The following LIMD1 variants were observed in gnomAD, a reference collection of about 807,000 sequenced individuals.
LIMD1 encodes LIM domain containing 1, also known as LIM domain-containing protein 1.
LIMD1 carries 23 observed loss-of-function variants against 58.4 expected under a neutral mutation model. The ratio of observed to expected loss-of-function variants is 0.39; its 90% confidence interval spans 0.28 to 0.56. The LOEUF (loss-of-function observed/expected upper bound fraction) is 0.56, where lower values mean the gene tolerates loss of function less well. LIMD1 is among the 20% of genes least tolerant of loss of function. LIMD1 has a pLI of 0.57. For synonymous variants in LIMD1, 334 were observed against 345.5 expected (o/e 0.97, Z 0.37); for missense variants, 838 against 855.5 (o/e 0.98, Z 0.25).
At chr3:45,606,929 G>A (rs1701473053) in intron 1 of LIMD1, among the ~76,000 whole-genome samples, 1 of 152,222 alleles carries the variant, frequency 6.6e-6, no homozygotes, top group Non-Finnish European at 1.5e-5. Context: ...AAGTACCTGG[G>A]ATTACAGGCA....
chr3:45,595,053 G>C lies in LIMD1; in HGVS notation c.174G>C (p.Gln58His). 6.3e-7 allele frequency: 1 copy of C among 1,596,818 alleles called. No individual in the cohort carries two copies. Among genetic ancestry groups the C allele is most frequent in the Non-Finnish European group, 8.6e-7 (1 of 1,169,482 alleles). ...FATKMAKIHLQQQQQQLLQEE... is the reference protein window; with the variant it reads ...FATKMAKIHLHQQQQQLLQEE... ...CCAAGATGGCCAAAATCCACCTCCAGCAGCAGCAGCAGCAGCTCCTGCAGG... is the reference window on the plus strand; with the variant it reads ...CCAAGATGGCCAAAATCCACCTCCACCAGCAGCAGCAGCAGCTCCTGCAGG... The change falls in exon 1 of 8, where the codon CAG (glutamine) becomes CAC (histidine). Residue 58 changes from glutamine (Q) to histidine (H), a missense_variant. By Grantham distance (24) the Gln-to-His change is conservative. This residue lies in a region of LIMD1 where 659 missense variants were observed against 639.8 expected (regional missense o/e 1.03). Transcript: ENST00000273317.
At chr3:45,608,568 C>T (rs1259528664) in intron 1 of LIMD1, among the ~76,000 whole-genome samples, 4 of 152,002 alleles carry the variant, frequency 2.6e-5, no homozygotes, top group Admixed American at 6.6e-5. Flanking sequence ...ACGCTGGGCA[C>T]GTGGCTCACA....
Position 45,677,311 on chromosome 3 carries a change from T to A in LIMD1, c.*252T>A. On this transcript the variant is annotated 3_prime_UTR_variant, in exon 8 of 8. Transcript: ENST00000273317. ...TTACTCAGGAAAATGCTCCAGCATG[T>A]GCGAGCACATGACCTGAGGTTGCAT... 2.3e-6 allele frequency: 1 copy of A among 431,558 alleles called. No individual in the cohort carries two copies. Among genetic ancestry groups the A allele is most frequent in the Non-Finnish European group, 4.3e-6 (1 of 231,834 alleles). The allele number at this position is 431,558 out of a possible 1,614,324, so 26.7% of individuals were successfully genotyped here. A position where few individuals can be genotyped will look rare whatever the true frequency, so the allele number is the denominator to read the frequency against.
intron 2 of LIMD1, among the ~76,000 whole-genome samples, chr3:45,652,931 G>C (rs560258140): frequency 1.3e-5 from 2 of 152,194 alleles, no homozygotes; most frequent in Non-Finnish European, 2.9e-5. Flanking sequence ...GGAGTGGCAC[G>C]TGAGAAGAGA....
At chr3:45,673,561 T>C in intron 6 of LIMD1, 56 bp downstream of exon 6, 1 of 1,334,450 alleles carries the variant, frequency 7.5e-7, no homozygotes, top group Middle Eastern at 1.8e-4. Flanking sequence ...AATATCTCCC[T>C]GGGCTCATTT....
intron 4 of LIMD1, among the ~76,000 whole-genome samples, chr3:45,670,314 G>T (rs1163141455): frequency 6.6e-6 from 1 of 152,098 alleles, no homozygotes; most frequent in Non-Finnish European, 1.5e-5. Context: ...TAACCTCAGG[G>T]TATGTCATTT....
chr3:45,598,731 G>T (rs1469267554), intron 1 of LIMD1, among the ~76,000 whole-genome samples: 4 of 152,178 alleles, frequency 2.6e-5, no homozygotes, highest in Admixed American at 6.5e-5. Context: ...TTTTAAATTG[G>T]GTGATCAGGG....
Position 45,658,535 on chromosome 3 carries a change from C to CTTTTTTTTTTTTTTTTTTTT in LIMD1, c.1511-7102_1511-7083dup, listed in dbSNP as rs10572210. Among the ~76,000 whole-genome samples, 4 of 44,736 alleles carry CTTTTTTTTTTTTTTTTTTTT rather than the reference C, an allele frequency of 8.9e-5. 1 individual carries two copies. Among genetic ancestry groups the CTTTTTTTTTTTTTTTTTTTT allele is most frequent in the Non-Finnish European group, 9.0e-5 (2 of 22,164 alleles). The allele number at this position is 44,736 out of a possible 152,430, so 29.3% of individuals were successfully genotyped here. On this transcript the variant is annotated intron_variant, in intron 2 of 7. Transcript: ENST00000273317. ...AACCATCCCCTCCACCATGCAGATT[C>CTTTTTTTTTTTTTTTTTTTT]TTTTTTTTTTTTTTTTTTTTTTTTT...
chr3:45,651,824 GT>G (rs1472905694), intron 2 of LIMD1, among the ~76,000 whole-genome samples: 1 of 151,916 alleles, frequency 6.6e-6, no homozygotes, highest in Non-Finnish European at 1.5e-5. Flanking sequence ...TAGAGACAGG[GT>G]TTTGCCACGT....
At chr3:45,652,272 C>A (rs1352561775) in intron 2 of LIMD1, among the ~76,000 whole-genome samples, 2 of 152,198 alleles carry the variant, frequency 1.3e-5, no homozygotes, top group African/African-American at 4.8e-5. Context: ...TCATCTCTAG[C>A]AGCTCAGTTT....
intron 1 of LIMD1, among the ~76,000 whole-genome samples, chr3:45,611,107 C>T (rs1701518639): frequency 6.6e-6 from 1 of 152,196 alleles, no homozygotes; most frequent in African/African-American, 2.4e-5. Flanking sequence ...TATACATTCT[C>T]TTGCTTTGTC....
intron 2 of LIMD1, among the ~76,000 whole-genome samples, chr3:45,659,418 C>T (rs1697396013): frequency 6.6e-6 from 1 of 152,122 alleles, no homozygotes; most frequent in African/African-American, 2.4e-5. Flanking sequence ...GAAACACTGT[C>T]TCTACAAAAA....
intron 2 of LIMD1, among the ~76,000 whole-genome samples, chr3:45,656,473 A>G (rs1307364473): frequency 6.7e-6 from 1 of 149,834 alleles, no homozygotes; most frequent in Admixed American, 6.7e-5. Context: ...AAAAAAAAGC[A>G]TCAGTAACTC....
At chr3:45,615,938 T>C (rs1171735192) in intron 1 of LIMD1, among the ~76,000 whole-genome samples, 1 of 152,100 alleles carries the variant, frequency 6.6e-6, no homozygotes, top group Non-Finnish European at 1.5e-5. Flanking sequence ...TCAAGTGTCT[T>C]TAGTTTGATA....
intron 1 of LIMD1, among the ~76,000 whole-genome samples, chr3:45,601,340 C>A (rs1018176241): frequency 6.6e-6 from 1 of 152,188 alleles, no homozygotes; most frequent in Non-Finnish European, 1.5e-5. Context: ...CCTCATGGAT[C>A]AGCTGTTGGC....
chr3:45,635,020 C>G (rs1701771938), intron 1 of LIMD1: 1 of 152,176 alleles, frequency 6.6e-6, no homozygotes, highest in African/African-American at 2.4e-5. Flanking sequence ...GGCGGATCAC[C>G]TGAGGTCAGT....
At chr3:45,637,540 A>G (rs1326608423) in intron 2 of LIMD1, among the ~76,000 whole-genome samples, 1 of 152,134 alleles carries the variant, frequency 6.6e-6, no homozygotes, top group Non-Finnish European at 1.5e-5. Flanking sequence ...CGGCCTCCCA[A>G]AGTGCTGGGA....
chr3:45,627,328 A>G lies in LIMD1; in HGVS notation c.1409-8822A>G, dbSNP rs909384583. On this transcript the variant is annotated intron_variant, in intron 1 of 7. Transcript: ENST00000273317. ...TAGCCCCTCTTATAAGTGCAGTAGGATGGACTGGAAAGGATATAGATAAGT... is the reference window on the plus strand; with the variant it reads ...TAGCCCCTCTTATAAGTGCAGTAGGGTGGACTGGAAAGGATATAGATAAGT... Among the ~76,000 whole-genome samples the G allele has an allele frequency of 1.2e-4, 18 of 152,296 alleles. 1 individual carries two copies. The highest frequency in any genetic ancestry group is 3.4e-4 in the African/African-American group (14 of 41,568).
intron 2 of LIMD1, among the ~76,000 whole-genome samples, chr3:45,642,123 C>G (rs991051729): frequency 2.0e-5 from 3 of 152,152 alleles, no homozygotes; most frequent in Non-Finnish European, 4.4e-5. Flanking sequence ...GAACATTTCC[C>G]CATCTGCTGA....
Sources: gnomAD v4.1 joint callset for allele counts (sites outside exome capture counted in the v4.1 genomes callset) on GRCh38, gnomAD v4.1.1 for gene constraint, gnomAD v4.1.1 regional missense constraint, MANE v1.5 for transcripts, NCBI Gene and HGNC (gene_info 2026-07-23, HGNC 2026-07-21) for gene names.